Variants in RSRP1 observed in about 807,000 individuals in gnomAD.
RSRP1 encodes the protein arginine/serine-rich protein 1.
A neutral mutation model predicts 33.0 loss-of-function variants in RSRP1; 37 were observed. That is an observed-to-expected ratio of 1.12 (90% CI 0.86 to 1.48). The LOEUF (loss-of-function observed/expected upper bound fraction) is 1.48. Among genes scored for constraint, RSRP1 ranks in the 40% most tolerant of loss-of-function variants. RSRP1 has a pLI of 0.00. For missense variants in RSRP1, 402 were observed against 385.3 expected (o/e 1.04, Z -0.36); for synonymous variants, 167 against 158.7 (o/e 1.05, Z -0.40).
rs1303071287 is a variant in RSRP1, at chr1:25,246,584, C to T, written c.380G>A (p.Cys127Tyr). 5 of 1,614,202 alleles carry T rather than the reference C, an allele frequency of 3.1e-6. No homozygotes were observed. Among genetic ancestry groups the T allele is most frequent in the Non-Finnish European group, 4.2e-6 (5 of 1,180,042 alleles). ...SRSRSRGRSYCGRAYAIARGQ... is the reference protein window; with the variant it reads ...SRSRSRGRSYYGRAYAIARGQ... ...CCGCGCGATCGCGTACGCCCTTCCG[C>T]AGTACGACCTTCCCCGAGAGCGCGA... Residue 127 changes from cysteine to tyrosine, a missense_variant, in exon 2 of 5, where the codon TGC (cysteine) becomes TAC (tyrosine). Cys to Tyr is a radical substitution (Grantham distance 194). Coordinates refer to ENST00000243189, the MANE Select transcript of RSRP1 (RefSeq NM_020317.5).
intron 1 of RSRP1, among the ~76,000 whole-genome samples, chr1:25,285,517 A>C (rs1242433503): frequency 3.0e-5 from 4 of 135,088 alleles, no homozygotes; most frequent in Non-Finnish European, 7.0e-5. Flanking sequence ...ATTTTCATTA[A>C]ATTACCTGTG....
chr1:25,284,567 G>C (rs765244090), intron 1 of RSRP1: 1 of 1,388,648 alleles, frequency 7.2e-7, no homozygotes. Flanking sequence ...TCTCCCCACC[G>C]AGCAGTTGGC....
Position 25,321,803 on chromosome 1 carries a change from G to A in RSRP1, c.-67+16175C>T, listed in dbSNP as rs948677084. The A allele has an allele frequency of 1.6e-5, 12 of 730,754 alleles. 1 individual carries two copies. Among genetic ancestry groups the A allele is most frequent in the Admixed American group, 8.6e-5 (4 of 46,648 alleles). The allele number at this position is 730,754 out of a possible 1,614,324, so 45.3% of individuals were successfully genotyped here. ...AAAGGATTTCTGTTGAGATACTGTC[G>A]TTTTGACACACAATATTTCGATTAA... On this transcript the variant is annotated intron_variant, in intron 1 of 1. Transcript: ENST00000561867.
intron 1 of RSRP1, among the ~76,000 whole-genome samples, chr1:25,284,945 T>G (rs1641836034): frequency 7.4e-6 from 1 of 135,086 alleles, no homozygotes; most frequent in African/African-American, 2.6e-5. Flanking sequence ...CATCCTGTAT[T>G]TTACTGGACA....
In RSRP1 at chr1:25,334,592, C is replaced by A. The variant is rs1224509949; in HGVS notation, c.-67+3386G>T. Among the ~76,000 whole-genome samples, 2 of 133,384 alleles carry A rather than the reference C, an allele frequency of 1.5e-5. 1 individual carries two copies. The highest frequency in any genetic ancestry group is 3.6e-5 in the Non-Finnish European group (2 of 56,108). The allele number at this position is 133,384 out of a possible 152,430, so 87.5% of individuals were successfully genotyped here. A position where few individuals can be genotyped will look rare whatever the true frequency, so the allele number is the denominator to read the frequency against. On this transcript the variant is annotated intron_variant, in intron 1 of 1. Coordinates refer to the RSRP1 transcript ENST00000561867. The stretch of plus-strand genomic sequence containing the variant: ...GACCCCACATTTCCCTTCTGCACTG[C>A]CCTGGCAGAGGATCTCCATGAGGGC...
At chr1:25,242,807 T>TTATC (rs1244418646) in intron 4 of RSRP1, 102 bp from the exon 5 acceptor site, 4 of 844,248 alleles carry the variant, frequency 4.7e-6, no homozygotes, top group Non-Finnish European at 7.5e-6. Flanking sequence ...CTTAGAGATA[T>TTATC]TATCAATTGC....
At chr1:25,245,067 G>C (rs748273484) in intron 3 of RSRP1, 83 bp downstream of exon 3, 4 of 1,611,656 alleles carry the variant, frequency 2.5e-6, no homozygotes, top group Non-Finnish European at 3.4e-6. Context: ...TTCCCAAAAA[G>C]TATAGTCTAA....
chr1:25,305,456 G>A (rs1400829303), intron 1 of RSRP1, among the ~76,000 whole-genome samples: 1 of 90,768 alleles, frequency 1.1e-5, no homozygotes, highest in African/African-American at 3.4e-5. Flanking sequence ...GAGTGCAGTG[G>A]TGCAATCTCA....
upstream of RSRP1, among the ~76,000 whole-genome samples, chr1:25,251,513 G>A (rs1183617529): frequency 6.6e-6 from 1 of 151,936 alleles, no homozygotes; most frequent in East Asian, 1.9e-4. Flanking sequence ...GGGATTACAG[G>A]CTTGTGCCAT....
At chr1:25,288,310 G>A (rs1415241668) in intron 1 of RSRP1, among the ~76,000 whole-genome samples, 1 of 129,554 alleles carries the variant, frequency 7.7e-6, no homozygotes, top group African/African-American at 2.6e-5. Flanking sequence ...CTGAGTAGCT[G>A]AGACCACAGG....
chr1:25,244,979 TC>T (rs1639225883), intron 3 of RSRP1, 170 bp downstream of exon 3: 1 of 1,485,356 alleles, frequency 6.7e-7, no homozygotes, highest in East Asian at 2.4e-5. Context: ...CTCATTAATC[TC>T]CCATTTTCAT....
chr1:25,282,600 A>G (rs1641587982), intron 1 of RSRP1, among the ~76,000 whole-genome samples: 1 of 132,472 alleles, frequency 7.5e-6, no homozygotes, highest in Non-Finnish European at 1.8e-5. Flanking sequence ...TGTGAACTCA[A>G]AACCTATGCT....
chr1:25,314,296 C>T (rs568157960), intron 1 of RSRP1, among the ~76,000 whole-genome samples: 3 of 132,824 alleles, frequency 2.3e-5, no homozygotes, highest in East Asian at 3.9e-4. Context: ...CTATTGTTTA[C>T]ATTTTGATAT....
In RSRP1 at chr1:25,306,926, C is replaced by T. The variant is rs1295573731; in HGVS notation, c.-67+31052G>A. On this transcript the variant is annotated intron_variant, in intron 1 of 1. Coordinates refer to the RSRP1 transcript ENST00000561867. ...ATGGATTTATCACCTCTCCAGGCCA[C>T]CTCTTCTTTCCAAATAGGGCCACCT... 103 of 589,306 alleles carry T rather than the reference C, an allele frequency of 1.7e-4. 12 individuals carry two copies. The Admixed American group carries it at 2.3e-3, about 13-fold the overall frequency. 36.5% of individuals were successfully genotyped at this position (589,306 alleles called of 1,614,324 possible).
At position 25,287,408 on chromosome 1, in the gene RSRP1, C is replaced by T. The variant is rs183754251; in HGVS notation, c.-66-40379G>A. 3.7e-5 allele frequency among the ~76,000 whole-genome samples: 5 copies of T among 135,336 alleles called. 1 individual carries two copies. The highest frequency in any genetic ancestry group is 3.5e-4 in the Admixed American group (5 of 14,088). The allele number at this position is 135,336 out of a possible 152,430, so 88.8% of individuals were successfully genotyped here. On this transcript the variant is annotated intron_variant, in intron 1 of 1. Coordinates refer to the RSRP1 transcript ENST00000561867. ...TCGCAGCCTGAGTGAACTCCCCTGC[C>T]CCACCCCTGACTGCTTGGATCCCCC...
rs1354000252 is a variant in RSRP1 at position 25,291,623 on chromosome 1, G to T, written c.-66-44594C>A. 2.3e-5 allele frequency among the ~76,000 whole-genome samples: 3 copies of T among 132,644 alleles called. 1 individual carries two copies. The highest frequency in any genetic ancestry group is 5.3e-5 in the Non-Finnish European group (3 of 56,086). 87.0% of individuals were successfully genotyped at this position (132,644 alleles called of 152,430 possible). On this transcript the variant is annotated intron_variant, in intron 1 of 1. Coordinates refer to the RSRP1 transcript ENST00000561867. Reference sequence around the variant, plus strand: ...AATCCTGTAGGATTGTGCTATTCATGATATAATTATGGTTATATAAAAGTA... The same window carrying T: ...AATCCTGTAGGATTGTGCTATTCATTATATAATTATGGTTATATAAAAGTA...
intron 1 of RSRP1, chr1:25,322,015 A>G: frequency 1.1e-6 from 1 of 924,854 alleles, no homozygotes; most frequent in South Asian, 1.3e-5. Flanking sequence ...GAACTTAAAA[A>G]CATACCTGAG....
At chr1:25,276,262 G>C (rs940743805) in intron 1 of RSRP1, among the ~76,000 whole-genome samples, 6 of 130,116 alleles carry the variant, frequency 4.6e-5, no homozygotes, top group African/African-American at 1.6e-4. Context: ...TCTGGGGTTT[G>C]CTTTTATGCC....
rs189217200 is a variant in RSRP1 at position 25,259,628 on chromosome 1, G to A, written c.-66-12599C>T. Among the ~76,000 whole-genome samples, 785 of 151,856 alleles carry A rather than the reference G, an allele frequency of 5.2e-3. 6 individuals are homozygous for A. The highest frequency in any genetic ancestry group is 0.017 in the African/African-American group (721 of 41,388). On this transcript the variant is annotated intron_variant, in intron 1 of 1. Coordinates refer to the RSRP1 transcript ENST00000561867. ...AGTGATTCTCCTGCCTCAGCCTCCCGAGTAGCTGGGATTACAAGTGCACAC... is the reference window on the plus strand; with the variant it reads ...AGTGATTCTCCTGCCTCAGCCTCCCAAGTAGCTGGGATTACAAGTGCACAC...
Sources: allele counts gnomAD v4.1 joint callset (sites outside exome capture counted in the v4.1 genomes callset), GRCh38; gene constraint gnomAD v4.1.1; transcripts MANE v1.5; gene names NCBI Gene and HGNC (gene_info 2026-07-23, HGNC 2026-07-21).